ULBP3: variants seen among roughly 807,000 people sequenced by gnomAD.
ULBP3 encodes the protein UL16 binding protein 3, also known as UL16-binding protein 3.
Under a neutral mutation model 24.9 loss-of-function variants are expected in ULBP3, and 25 were observed. The ratio of observed to expected loss-of-function variants is 1.00; its 90% CI spans 0.73 to 1.40. The LOEUF (loss-of-function observed/expected upper bound fraction) is 1.40, where lower values mean the gene tolerates loss of function less well. Among genes scored for constraint, ULBP3 ranks in the 40% most tolerant of loss-of-function variants. The probability of loss-of-function intolerance (pLI) is 0.00; values close to 1 mark genes in which losing one functional copy is unlikely to be tolerated. For missense variants in ULBP3, 306 were observed against 307.5 expected, an observed-to-expected ratio of 1.00 and a Z score of 0.04; for synonymous variants, 114 against 114.7, an observed-to-expected ratio of 0.99 and a Z score of 0.04.
In ULBP3 at chr6:150,062,382, A is replaced by G. The variant is rs558774471; in HGVS notation, c.*992T>C. 2.9e-4 allele frequency among the ~76,000 whole-genome samples: 44 copies of G among 152,304 alleles called. No homozygotes were observed. Among genetic ancestry groups the G allele is most frequent in the African/African-American group, 1.1e-3 (44 of 41,564 alleles). On this transcript the variant is annotated 3_prime_UTR_variant, in exon 5 of 5. Transcript: ENST00000367339. ...TTACCTGCGCAACATAGGAAGACCC[A>G]ATCTCTACCTAAATATAAAACAATT... is the stretch of plus-strand genomic sequence containing the variant.
rs548687349 is a variant in ULBP3 at position 150,061,875 on chromosome 6, G to C, written c.*1499C>G. Among the ~76,000 whole-genome samples the C allele has an allele frequency of 6.6e-6, 1 of 152,190 alleles. No individual in the cohort carries two copies. The highest frequency in any genetic ancestry group is 2.4e-5 in the African/African-American group (1 of 41,440). The stretch of plus-strand genomic sequence containing the variant: ...GAACAAGTTTGCTTTCCCACCAACA[G>C]TGTCTGTTTCTTTTCCTCTGCAGCC... On this transcript the variant is annotated 3_prime_UTR_variant, in exon 5 of 5. Coordinates refer to ENST00000367339, the MANE Select transcript of ULBP3 (RefSeq NM_024518.3).
At position 150,065,639 on chromosome 6, in the gene ULBP3, C is replaced by T. The variant is rs778590282; in HGVS notation, c.387G>A (p.Glu129=). The part of the protein sequence containing the change: ...PLTLQVRMSC[E]CEADGYIRGS... ...CACGGATGTATCCATCGGCTTCACA[C>T]TCACAAGACATCCTGACCTGCAGCG... Residue 129 remains glutamate, a synonymous_variant, in exon 3 of 5, where the codon GAG becomes GAA. Coordinates refer to ENST00000367339, the MANE Select transcript of ULBP3 (RefSeq NM_024518.3). 1.2e-6 allele frequency: 2 copies of T among 1,614,224 alleles called. No individual in the cohort carries two copies. The highest frequency in any genetic ancestry group is 1.7e-6 in the Non-Finnish European group (2 of 1,180,030).
At chr6:150,067,426 C>T (rs781060686) in intron 1 of ULBP3, among the ~76,000 whole-genome samples, 2 of 152,194 alleles carry the variant, frequency 1.3e-5, no homozygotes, top group Non-Finnish European at 2.9e-5. Flanking sequence ...GATCCGAGCT[C>T]TTCCCAGGGA....
intron 2 of ULBP3, 106 bp downstream of exon 2, chr6:150,065,793 C>T: frequency 6.3e-7 from 1 of 1,578,520 alleles, no homozygotes. Context: ...CCTGCCCTTG[C>T]TGCTGGGCTT....
In ULBP3 at chr6:150,069,084, C is replaced by G. The variant is rs1776393833; in HGVS notation, c.-18G>C. ...GCTGCCATTGTAGACCAGGAGCGCC[C>G]GGGACACAAGGCGCAGTCGATGTGG... is the stretch of plus-strand genomic sequence containing the variant. On this transcript the variant is annotated 5_prime_UTR_variant, in exon 1 of 5. Transcript: ENST00000367339. 6.2e-7 allele frequency: 1 copy of G among 1,606,926 alleles called. No homozygotes were observed. The highest frequency in any genetic ancestry group is 8.5e-7 in the Non-Finnish European group (1 of 1,176,840).
rs557402954 is a variant in ULBP3, at chr6:150,067,594, T to C, written c.88+1385A>G. ...TTCCTGGATTTCTACCGGGAATGGA[T>C]AGTGTTTGTAGTTAATGTAGTAACT... is the stretch of plus-strand genomic sequence containing the variant. On this transcript the variant is annotated intron_variant, in intron 1 of 4. Coordinates refer to ENST00000367339, the MANE Select transcript of ULBP3 (RefSeq NM_024518.3). Among the ~76,000 whole-genome samples the C allele has an allele frequency of 6.6e-5, 10 of 152,218 alleles. No individual in the cohort carries two copies. In the East Asian group the frequency reaches 9.7e-4, roughly 15 times the overall value.
rs140233188 is a variant in ULBP3 at position 150,065,920 on chromosome 6, G to A, written c.331C>T (p.Leu111=). ...TCACCACTGGGTGTGAAATCCTCCA[G>A]CTCAGTGTCAGCCAGTTCCAGTCTG... ...RLRLELADTE[L]EDFTPSGPLT... is the part of the protein sequence containing the mutation. Residue 111 remains leucine, a synonymous_variant, in exon 2 of 5, where the codon CTG becomes TTG. Coordinates refer to ENST00000367339, the MANE Select transcript of ULBP3 (RefSeq NM_024518.3). 1 of 1,614,044 alleles carries A rather than the reference G, an allele frequency of 6.2e-7. No individual in the cohort carries two copies. The highest frequency in any genetic ancestry group is 8.5e-7 in the Non-Finnish European group (1 of 1,180,052).
intron 3 of ULBP3, 91 bp from the exon 4 acceptor site, chr6:150,064,804 G>C: frequency 7.3e-7 from 1 of 1,373,144 alleles, no homozygotes; most frequent in East Asian, 2.4e-5. Context: ...GGTCATCCGG[G>C]AAGGCAGAGG....
intron 3 of ULBP3, 26 bp downstream of exon 3, chr6:150,065,372 G>T (rs1776329831): frequency 6.2e-7 from 1 of 1,611,266 alleles, no homozygotes; most frequent in African/African-American, 1.3e-5. Context: ...TCTCCAACAT[G>T]CTCCCAGTGC....
At position 150,062,995 on chromosome 6, in the gene ULBP3, G is replaced by C. The variant is rs527686493; in HGVS notation, c.*379C>G. ...CGGGTGCCTGTAGTCCCAGCTACTC[G>C]GGAGGCTGAGGCAGGAGAATGGCGT... is the stretch of plus-strand genomic sequence containing the variant. On this transcript the variant is annotated 3_prime_UTR_variant, in exon 5 of 5. Coordinates refer to ENST00000367339, the MANE Select transcript of ULBP3 (RefSeq NM_024518.3). 3.2e-4 allele frequency among the ~76,000 whole-genome samples: 48 copies of C among 151,210 alleles called. No individual in the cohort carries two copies. The South Asian group carries it at 8.0e-3, about 25-fold the overall frequency.
At position 150,062,052 on chromosome 6, in the gene ULBP3, T is replaced by G. The variant is rs1776280592; in HGVS notation, c.*1322A>C. Among the ~76,000 whole-genome samples, 1 of 152,256 alleles carries G rather than the reference T, an allele frequency of 6.6e-6. No homozygotes were observed. The highest frequency in any genetic ancestry group is 2.4e-5 in the African/African-American group (1 of 41,472). On this transcript the variant is annotated 3_prime_UTR_variant, in exon 5 of 5. Coordinates refer to ENST00000367339, the MANE Select transcript of ULBP3 (RefSeq NM_024518.3). ...TTTGAAAAGTGTCTGTTCATGTCTT[T>G]GCACATTTTTTAATTGGGTTTTTTT...
intron 1 of ULBP3, among the ~76,000 whole-genome samples, chr6:150,066,501 G>A (rs911246596): frequency 7.9e-5 from 12 of 152,302 alleles, no homozygotes; most frequent in East Asian, 1.9e-4. Context: ...ATGTTGGAGC[G>A]TGGTGCAGTG....
At position 150,065,538 on chromosome 6, in the gene ULBP3, T is replaced by A. The variant is rs1582865512; in HGVS notation, c.488A>T (p.His163Leu). Residue 163 changes from histidine to leucine, a missense_variant, in exon 3 of 5, where the codon CAC (histidine) becomes CTC (leucine). Physicochemically the swap from His to Leu is moderately conservative, Grantham distance 99. Transcript: ENST00000367339. ...CTCTTTCATCCGCCTGGCTCCAGCG[T>A]GAACCACTGTCCACTTTCTGTTGTT... Reference protein sequence around the residue: ...DSNNRKWTVVHAGARRMKEKW... With the variant: ...DSNNRKWTVVLAGARRMKEKW... The A allele has an allele frequency of 6.2e-7, 1 of 1,614,182 alleles. No individual in the cohort carries two copies. Among genetic ancestry groups the A allele is most frequent in the East Asian group, 2.2e-5 (1 of 44,888 alleles).
intron 1 of ULBP3, among the ~76,000 whole-genome samples, chr6:150,066,997 T>C (rs1213383890): frequency 6.6e-6 from 1 of 151,946 alleles, no homozygotes; most frequent in Non-Finnish European, 1.5e-5. Context: ...GGTGCAATGA[T>C]GGAAATAATT....
Position 150,062,869 on chromosome 6 carries a change from G to A in ULBP3, c.*505C>T, listed in dbSNP as rs1416174421. On this transcript the variant is annotated 3_prime_UTR_variant, in exon 5 of 5. Coordinates refer to ENST00000367339, the MANE Select transcript of ULBP3 (RefSeq NM_024518.3). Reference sequence around the variant, plus strand: ...TGTAATCCCAGCACTCTGGGAGGCCGAGGCAGGTGGATCATGAGGTCAGGA... The same window carrying A: ...TGTAATCCCAGCACTCTGGGAGGCCAAGGCAGGTGGATCATGAGGTCAGGA... Among the ~76,000 whole-genome samples the A allele has an allele frequency of 2.6e-5, 4 of 152,040 alleles. No individual in the cohort carries two copies. Among genetic ancestry groups the A allele is most frequent in the Non-Finnish European group, 5.9e-5 (4 of 68,012 alleles).
intron 4 of ULBP3, among the ~76,000 whole-genome samples, chr6:150,064,080 C>T (rs922207188): frequency 1.4e-4 from 22 of 152,228 alleles, no homozygotes; most frequent in African/African-American, 5.3e-4. Context: ...TCTGGGAATG[C>T]AGCCTTAGGA....
At chr6:150,065,117 CCA>C (rs1050136350) in intron 3 of ULBP3, among the ~76,000 whole-genome samples, 13 of 151,888 alleles carry the variant, frequency 8.6e-5, no homozygotes, top group African/African-American at 3.1e-4. Flanking sequence ...ACAATGACGC[CCA>C]CAGTTTTGAG....
At position 150,064,571 on chromosome 6, in the gene ULBP3, T is replaced by G; in HGVS notation, c.*22+14A>C. On this transcript the variant is annotated intron_variant, in intron 4 of 4. Coordinates refer to ENST00000367339, the MANE Select transcript of ULBP3 (RefSeq NM_024518.3). ...ATCTGTCTCTCGTTCCCCTCACAGT[T>G]TTGCCCACAGTACCTGTCACTCTAA... The G allele has an allele frequency of 6.2e-7, 1 of 1,607,524 alleles. No homozygotes were observed.
At chr6:150,064,740 C>G in intron 3 of ULBP3, 27 bp from the exon 4 acceptor site, 1 of 1,611,056 alleles carries the variant, frequency 6.2e-7, no homozygotes, top group Non-Finnish European at 8.5e-7. Flanking sequence ...AAAGTGACAA[C>G]TCTTGTCCAC....
Sources: gnomAD v4.1 joint callset for allele counts (sites outside exome capture counted in the v4.1 genomes callset) on GRCh38, gnomAD v4.1.1 for gene constraint, MANE v1.5 for transcripts, NCBI Gene and HGNC (gene_info 2026-07-23, HGNC 2026-07-21) for gene names.